The following INVS variants were observed in gnomAD, a reference collection of about 807,000 sequenced individuals.
INVS encodes inversin.
A neutral mutation model predicts 108.8 loss-of-function variants in INVS; 86 were observed. The ratio of observed to expected loss-of-function variants is 0.79; its 90% CI spans 0.66 to 0.95. The LOEUF (loss-of-function observed/expected upper bound fraction) is 0.95. Among genes scored for constraint, INVS ranks in the 40% least tolerant of loss-of-function variants. The probability of loss-of-function intolerance (pLI) is 0.00; values close to 1 mark genes in which losing one functional copy is unlikely to be tolerated. For synonymous variants in INVS, 455 were observed against 473.5 expected (o/e 0.96, Z 0.51); for missense variants, 1,169 against 1,297.4 (o/e 0.90, Z 1.52).
At chr9:100,135,993 A>G (rs1280934676) in intron 3 of INVS, among the ~76,000 whole-genome samples, 1 of 151,992 alleles carries the variant, frequency 6.6e-6, no homozygotes, top group African/African-American at 2.4e-5. Context: ...TTTCAAGCAG[A>G]AGAGGATCCA....
chr9:100,219,588 A>G (rs1420760583), intron 3 of INVS, among the ~76,000 whole-genome samples: 1 of 152,256 alleles, frequency 6.6e-6, no homozygotes, highest in Non-Finnish European at 1.5e-5. Flanking sequence ...TTAGAGAGCA[A>G]TCTCAAACCA....
intron 2 of INVS, among the ~76,000 whole-genome samples, chr9:100,119,584 TCTCA>T (rs1373326781): frequency 6.6e-6 from 1 of 152,114 alleles, no homozygotes; most frequent in Admixed American, 6.5e-5. Context: ...TGAGACAGAG[TCTCA>T]CTCTGTCACC....
chr9:100,269,735 C>CT (rs1190122068), intron 11 of INVS, among the ~76,000 whole-genome samples: 1 of 151,986 alleles, frequency 6.6e-6, no homozygotes, highest in South Asian at 2.1e-4. Context: ...TTCCTAAGAC[C>CT]TTTTATGGGT....
chr9:100,259,010 C>T (rs1832520024), intron 10 of INVS, among the ~76,000 whole-genome samples: 1 of 152,240 alleles, frequency 6.6e-6, no homozygotes, highest in African/African-American at 2.4e-5. Context: ...GTCCTGCCCC[C>T]AGAGGTGGAG....
Position 100,301,139 on chromosome 9 carries a change from T to TCTCA in INVS, c.*466_*467insTCAC, listed in dbSNP as rs200314659. ...CCTGGCATCTAATGCAACAAACTTATCACACACACACACACACACACACAC... is the reference window on the plus strand; with the variant it reads ...CCTGGCATCTAATGCAACAAACTTATCTCACACACACACACACACACACACACAC... On this transcript the variant is annotated 3_prime_UTR_variant, in exon 17 of 17. Coordinates refer to ENST00000262457, the MANE Select transcript of INVS (RefSeq NM_014425.5). 0.02 allele frequency: 3,362 copies of TCTCA among 167,838 alleles called. 108 individuals carry two copies. The highest frequency in any genetic ancestry group is 0.029 in the Admixed American group (407 of 13,802). 10.4% of individuals were successfully genotyped at this position (167,838 alleles called of 1,614,324 possible).
chr9:100,115,453 C>A (rs142414359), intron 2 of INVS, among the ~76,000 whole-genome samples: 13 of 152,122 alleles, frequency 8.5e-5, no homozygotes, highest in African/African-American at 3.1e-4. Flanking sequence ...ATGCCTCCCC[C>A]GTCCCCCGAC....
At chr9:100,206,131 T>G (rs1247092567) in intron 3 of INVS, among the ~76,000 whole-genome samples, 1 of 152,136 alleles carries the variant, frequency 6.6e-6, no homozygotes, top group Non-Finnish European at 1.5e-5. Flanking sequence ...ACAACAAGAA[T>G]ACTGTGAATA....
intron 10 of INVS, among the ~76,000 whole-genome samples, chr9:100,253,897 G>A (rs1022007954): frequency 2.0e-5 from 3 of 152,142 alleles, no homozygotes; most frequent in African/African-American, 7.2e-5. Flanking sequence ...TGTCTTTATA[G>A]CAGCATGATT....
Position 100,225,283 on chromosome 9 carries a change from C to T in INVS, c.274-779C>T, listed in dbSNP as rs1429401667. 2.0e-5 allele frequency among the ~76,000 whole-genome samples: 3 copies of T among 151,720 alleles called. 1 individual carries two copies. Among genetic ancestry groups the T allele is most frequent in the South Asian group, 4.2e-4 (2 of 4,790 alleles). On this transcript the variant is annotated intron_variant, in intron 3 of 16. Transcript: ENST00000262457. ...CAGGATGGTCTCAATCTCCTGACCT[C>T]GTGATCCACCCGCCTCGGCCTCCCA...
chr9:100,197,802 C>T (rs549696294), intron 3 of INVS, among the ~76,000 whole-genome samples: 1 of 152,276 alleles, frequency 6.6e-6, no homozygotes, highest in African/African-American at 2.4e-5. Context: ...GTCTTGTAAC[C>T]TACAGTCAGA....
At chr9:100,175,826 TCCTGGAACAATCAGG>T (rs1588062502) in intron 3 of INVS, 3 of 668,194 alleles carry the variant, frequency 4.5e-6, no homozygotes, top group Admixed American at 3.7e-5. Flanking sequence ...GTGCACCCAA[TCCTGGAACAATCAGG>T]CCTGGAACAA....
In INVS at chr9:100,104,595, G is replaced by T; in HGVS notation, c.74G>T (p.Gly25Val). 6.2e-7 allele frequency: 1 copy of T among 1,614,046 alleles called. No homozygotes were observed. Among genetic ancestry groups the T allele is most frequent in the African/African-American group, 1.3e-5 (1 of 75,034 alleles). The change falls in exon 2 of 17, where the codon GGA becomes GTA. Residue 25 changes from glycine (G) to valine (V), a missense_variant. Physicochemically the swap from Gly to Val is moderately radical, Grantham distance 109. Coordinates refer to ENST00000262457, the MANE Select transcript of INVS (RefSeq NM_014425.5). ...ASQVHAAAVN[G>V]DKGALQRLIV... ...CAAGTCCATGCTGCTGCCGTTAATG[G>T]AGATAAGGGTGCTCTACAGAGGCTC... is the stretch of plus-strand genomic sequence containing the variant.
At chr9:100,242,722 GT>G in intron 7 of INVS, 43 bp downstream of exon 7, 1 of 1,155,322 alleles carries the variant, frequency 8.7e-7, no homozygotes, top group Admixed American at 1.7e-5. Flanking sequence ...AGTGAAAATT[GT>G]TATTTTTATA....
intron 3 of INVS, among the ~76,000 whole-genome samples, chr9:100,142,565 G>A (rs1828467402): frequency 6.6e-6 from 1 of 152,166 alleles, no homozygotes; most frequent in Admixed American, 6.5e-5. Flanking sequence ...AATAATGTGG[G>A]AGGCCGGGTT....
At chr9:100,274,221 G>T (rs1023024861) in intron 12 of INVS, among the ~76,000 whole-genome samples, 15 of 152,166 alleles carry the variant, frequency 9.9e-5, no homozygotes, top group African/African-American at 3.6e-4. Context: ...AGCTGGGCGT[G>T]GTGGTTAGCA....
At chr9:100,121,160 G>A (rs538496995) in intron 2 of INVS, among the ~76,000 whole-genome samples, 100 of 152,016 alleles carry the variant, frequency 6.6e-4, no homozygotes, top group Non-Finnish European at 1.3e-3. Context: ...TTTCTACCTC[G>A]GACCTCTAGA....
At chr9:100,110,671 G>A (rs1271571571) in intron 2 of INVS, among the ~76,000 whole-genome samples, 1 of 152,038 alleles carries the variant, frequency 6.6e-6, no homozygotes, top group Non-Finnish European at 1.5e-5. Context: ...CAATATAGAG[G>A]ATTACAAAGG....
At position 100,139,333 on chromosome 9, in the gene INVS, C is replaced by A. The variant is rs182652569; in HGVS notation, c.273+12784C>A. Among the ~76,000 whole-genome samples, 221 of 152,294 alleles carry A rather than the reference C, an allele frequency of 1.5e-3. 1 individual carries two copies. Among genetic ancestry groups the A allele is most frequent in the African/African-American group, 4.9e-3 (204 of 41,566 alleles). ...GATAGTTCATTGTTTTCTTTATTAA[C>A]TCCTTTCCTTTAACTCCCATTTCTG... On this transcript the variant is annotated intron_variant, in intron 3 of 16. Transcript: ENST00000262457.
chr9:100,198,842 C>T (rs1362929279), intron 3 of INVS, among the ~76,000 whole-genome samples: 1 of 152,128 alleles, frequency 6.6e-6, no homozygotes, highest in Admixed American at 6.6e-5. Flanking sequence ...CCGCCTGCCT[C>T]AGCCTCCCAA....
Sources: allele counts gnomAD v4.1 joint callset (sites outside exome capture counted in the v4.1 genomes callset), GRCh38; gene constraint gnomAD v4.1.1; transcripts MANE v1.5; gene names NCBI Gene and HGNC (gene_info 2026-07-23, HGNC 2026-07-21).